The following PGM3 variants were observed in gnomAD, a reference collection of about 807,000 sequenced individuals.
The protein encoded by PGM3 is phosphoacetylglucosamine mutase.
In PGM3, 40 loss-of-function variants were observed where a neutral mutation model predicts 66.2. The observed-to-expected ratio is 0.60, with a 90% confidence interval of 0.47 to 0.79. The LOEUF is 0.79. Ranked by LOEUF, PGM3 falls within the 30% of genes least tolerant of loss-of-function variation. The pLI is 0.00. For missense variants in PGM3, 537 were observed against 643.4 expected (o/e 0.83, Z 1.79); for synonymous variants, 191 against 224.2 (o/e 0.85, Z 1.32).
chr6:83,173,161 C>G (rs1405511687), intron 10 of PGM3, among the ~76,000 whole-genome samples: 1 of 152,150 alleles, frequency 6.6e-6, no homozygotes, highest in East Asian at 1.9e-4. Flanking sequence ...TAGTCCCATG[C>G]ATTTTGGATA....
intron 9 of PGM3, 37 bp from the exon 10 acceptor site, chr6:83,174,524 T>A: frequency 1.8e-6 from 2 of 1,130,694 alleles, no homozygotes; most frequent in Non-Finnish European, 2.6e-6. Flanking sequence ...CTCAAAACAC[T>A]ATCCAAAACC....
rs551751782 is a variant in PGM3 at position 83,191,335 on chromosome 6, A to AT, written c.-2-322dup. 1.1e-3 allele frequency: 1,064 copies of AT among 991,268 alleles called. 4 individuals carry two copies. The highest frequency in any genetic ancestry group is 1.1e-3 in the South Asian group (80 of 72,052). The allele number at this position is 991,268 out of a possible 1,614,324, so 61.4% of individuals were successfully genotyped here. A position where few individuals can be genotyped will look rare whatever the true frequency, so the allele number is the denominator to read the frequency against. ...TGGTCCACTCTCAACTAAAATGAAG[A>AT]TTTTACACCTATTCAGAGACTCCAA... On this transcript the variant is annotated intron_variant, in intron 1 of 12. Transcript: ENST00000513973.
intron 10 of PGM3, among the ~76,000 whole-genome samples, chr6:83,173,681 C>T (rs1031754688): frequency 6.6e-6 from 1 of 152,104 alleles, no homozygotes. Context: ...CATAGCCAAA[C>T]GACACTCCAA....
chr6:83,161,909 C>G (rs1784325298), downstream of PGM3, among the ~76,000 whole-genome samples: 2 of 152,160 alleles, frequency 1.3e-5, no homozygotes, highest in African/African-American at 4.8e-5. Flanking sequence ...TTTGTAAGTG[C>G]AAGAAGTTGG....
downstream of PGM3, chr6:83,160,042 GT>G: frequency 7.4e-7 from 1 of 1,358,750 alleles, no homozygotes; most frequent in Admixed American, 2.2e-5. Context: ...TAATTAAAAA[GT>G]TTTTTGTGTA....
intron 1 of PGM3, chr6:83,191,412 C>T (rs1789041899): frequency 1.6e-6 from 1 of 618,260 alleles, no homozygotes; most frequent in South Asian, 2.0e-5. Context: ...CCTAAATTAA[C>T]ATAGATAGCT....
intron 4 of PGM3, among the ~76,000 whole-genome samples, chr6:83,184,355 A>G (rs1197506401): frequency 6.6e-6 from 1 of 152,184 alleles, no homozygotes; most frequent in Non-Finnish European, 1.5e-5. Flanking sequence ...CCCTGAAGTT[A>G]TTTAACAGAA....
chr6:83,182,875 G>C lies in PGM3; in HGVS notation c.561C>G (p.Leu187=). The part of the protein sequence containing the change: ...KATIEGYYQK[L]SKAFVELTKQ... Reference sequence around the variant, plus strand: ...TGGTGAGTTCCACAAAAGCCTTAGAGAGTTTCTGGTAGTAACCTTCTATAG... The same window carrying C: ...TGGTGAGTTCCACAAAAGCCTTAGACAGTTTCTGGTAGTAACCTTCTATAG... The change falls in exon 5 of 13, where the codon CTC becomes CTG. Residue 187 remains leucine (L), a synonymous_variant. Transcript: ENST00000513973. 6.2e-7 allele frequency: 1 copy of C among 1,614,074 alleles called. No individual in the cohort carries two copies. The highest frequency in any genetic ancestry group is 1.1e-5 in the South Asian group (1 of 91,076).
chr6:83,172,146 T>A, intron 10 of PGM3, 87 bp from the exon 11 acceptor site: 1 of 1,370,220 alleles, frequency 7.3e-7, no homozygotes, highest in South Asian at 1.2e-5. Context: ...CCAATCACAG[T>A]ACAGGTTGAA....
At chr6:83,171,659 T>C (rs1197209852) in intron 11 of PGM3, among the ~76,000 whole-genome samples, 2 of 134,910 alleles carry the variant, frequency 1.5e-5, no homozygotes, top group Non-Finnish European at 3.1e-5. Context: ...CCCAGCTAAT[T>C]TTTGTATTTT....
At chr6:83,179,556 G>A (rs1266439814) in intron 7 of PGM3, among the ~76,000 whole-genome samples, 1 of 152,014 alleles carries the variant, frequency 6.6e-6, no homozygotes, top group Non-Finnish European at 1.5e-5. Context: ...CAATTATGAT[G>A]GAAGCAAAAC....
chr6:83,165,900 C>T lies in PGM3; in HGVS notation c.*3334G>A. The T allele has an allele frequency of 4.9e-6, 2 of 406,322 alleles. No individual in the cohort carries two copies. Among genetic ancestry groups the T allele is most frequent in the Non-Finnish European group, 9.8e-6 (2 of 203,450 alleles). 25.2% of individuals were successfully genotyped at this position (406,322 alleles called of 1,614,324 possible). Reference sequence around the variant, plus strand: ...GCATACTTATCAGATGTAATGGTTTCACCTGGATTCAGAAAGCTGTAGTGG... The same window carrying T: ...GCATACTTATCAGATGTAATGGTTTTACCTGGATTCAGAAAGCTGTAGTGG... On this transcript the variant is annotated 3_prime_UTR_variant, in exon 13 of 13. Transcript: ENST00000513973.
chr6:83,148,864 G>A, the PGM3 span: 4 of 1,496,218 alleles, frequency 2.7e-6, no homozygotes, highest in East Asian at 5.0e-5. Context: ...TTATACTTGG[G>A]TAAGCAATTT....
chr6:83,153,927 C>T, the PGM3 span: 1 of 1,613,388 alleles, frequency 6.2e-7, no homozygotes, highest in Non-Finnish European at 8.5e-7. Context: ...GAGCTTGTGT[C>T]CAGCTGCTCA....
intron 10 of PGM3, among the ~76,000 whole-genome samples, chr6:83,172,831 AGT>A (rs899117375): frequency 1.3e-5 from 2 of 152,210 alleles, no homozygotes; most frequent in African/African-American, 4.8e-5. Context: ...TGTGTGAATA[AGT>A]GTAAAAAAAT....
chr6:83,164,363 A>G (rs907288378), downstream of PGM3, among the ~76,000 whole-genome samples: 1 of 151,724 alleles, frequency 6.6e-6, no homozygotes, highest in Non-Finnish European at 1.5e-5. Flanking sequence ...TTTCAATTTG[A>G]TATCTCAGAG....
At chr6:83,171,849 CAT>C (rs1225909289) in intron 11 of PGM3, 86 bp downstream of exon 11, 67 of 1,052,274 alleles carry the variant, frequency 6.4e-5, no homozygotes, top group South Asian at 6.1e-4. Flanking sequence ...AAATAGGAAA[CAT>C]ATGTCAGTGA....
At chr6:83,184,120 AC>A (rs1301902053) in intron 4 of PGM3, among the ~76,000 whole-genome samples, 1 of 152,136 alleles carries the variant, frequency 6.6e-6, no homozygotes, top group Non-Finnish European at 1.5e-5. Context: ...AACCTCAAAA[AC>A]GTCCCATAAT....
chr6:83,166,181 T>C lies in PGM3; in HGVS notation c.*3053A>G, dbSNP rs1278748299. 1.6e-5 allele frequency: 8 copies of C among 507,090 alleles called. No individual in the cohort carries two copies. The highest frequency in any genetic ancestry group is 2.4e-5 in the Non-Finnish European group (7 of 288,482). 31.4% of individuals were successfully genotyped at this position (507,090 alleles called of 1,614,324 possible). ...TCACTCAGCTCATGAGGCACCCATT[T>C]ATTGAGCTTTTTCACCTTTTCAATT... is the stretch of plus-strand genomic sequence containing the variant. On this transcript the variant is annotated 3_prime_UTR_variant, in exon 13 of 13. Transcript: ENST00000513973.
Sources: gnomAD v4.1 joint callset for allele counts (sites outside exome capture counted in the v4.1 genomes callset) on GRCh38, gnomAD v4.1.1 for gene constraint, MANE v1.5 for transcripts, NCBI Gene and HGNC (gene_info 2026-07-23, HGNC 2026-07-21) for gene names.